The following USH2A variants were observed in gnomAD, a reference collection of about 807,000 sequenced individuals.
The protein encoded by USH2A is Usher syndrome 2A (autosomal recessive, mild).
USH2A carries 443 observed loss-of-function variants against 538.9 expected under a neutral mutation model. That is an observed-to-expected ratio of 0.82 (90% CI 0.76 to 0.89). USH2A has a LOEUF of 0.89. USH2A is among the 40% of genes least tolerant of loss of function. The pLI is 0.00. For missense variants in USH2A, 6,633 were observed against 6,324.8 expected, an observed-to-expected ratio of 1.05 and a Z score of -1.65; for synonymous variants, 2,413 against 2,273.5, an observed-to-expected ratio of 1.06 and a Z score of -1.75.
At chr1:216,407,928 A>G (rs1186157931) in intron 3 of USH2A, among the ~76,000 whole-genome samples, 2 of 151,176 alleles carry the variant, frequency 1.3e-5, no homozygotes, top group African/African-American at 2.5e-5. Context: ...AGATTGTTAA[A>G]AAAAAAAAAA....
At chr1:216,223,186 A>G (rs557613766) in intron 14 of USH2A, among the ~76,000 whole-genome samples, 1 of 152,222 alleles carries the variant, frequency 6.6e-6, no homozygotes, top group African/African-American at 2.4e-5. Context: ...AATTTATTCC[A>G]CCAATAATAG....
intron 52 of USH2A, among the ~76,000 whole-genome samples, chr1:215,786,053 A>C (rs1287329065): frequency 2.0e-5 from 3 of 152,154 alleles, no homozygotes; most frequent in Non-Finnish European, 4.4e-5. Context: ...TGATGGCAGA[A>C]CTGTTTTAGA....
intron 14 of USH2A, among the ~76,000 whole-genome samples, chr1:216,218,890 C>T (rs1287158430): frequency 6.6e-6 from 1 of 151,906 alleles, no homozygotes; most frequent in Non-Finnish European, 1.5e-5. Flanking sequence ...TTGATTTGCT[C>T]TTAATTTCTT....
intron 9 of USH2A, among the ~76,000 whole-genome samples, chr1:216,298,375 C>T (rs2037146188): frequency 6.6e-6 from 1 of 152,152 alleles, no homozygotes; most frequent in Non-Finnish European, 1.5e-5. Context: ...TTTAAAAAAT[C>T]TAATTTCAGA....
chr1:215,680,885 T>C (rs938549815), intron 61 of USH2A, among the ~76,000 whole-genome samples: 1 of 152,084 alleles, frequency 6.6e-6, no homozygotes, highest in Non-Finnish European at 1.5e-5. Context: ...TTGGCATGTA[T>C]ATATATCTTA....
Position 216,293,633 on chromosome 1 carries a change from T to G in USH2A, c.1645-1263A>C, listed in dbSNP as rs149183794. Among the ~76,000 whole-genome samples the G allele has an allele frequency of 2.0e-4, 30 of 152,328 alleles. No individual in the cohort carries two copies. The East Asian group carries it at 5.6e-3, about 28-fold the overall frequency. ...CTGAATTTTACTTCAAGTATTTTCT[T>G]TCTTTGCAGTGCTTTCCTCTTTGCT... is the stretch of plus-strand genomic sequence containing the variant. On this transcript the variant is annotated intron_variant, in intron 9 of 71. Transcript: ENST00000307340.
intron 38 of USH2A, among the ~76,000 whole-genome samples, chr1:215,913,957 T>A (rs1421062870): frequency 6.6e-6 from 1 of 151,554 alleles, no homozygotes; most frequent in Non-Finnish European, 1.5e-5. Flanking sequence ...AAAATATTTT[T>A]AAAAACATTT....
intron 71 of USH2A, among the ~76,000 whole-genome samples, chr1:215,626,771 ACTCAT>A (rs747866730): frequency 2.6e-5 from 4 of 152,174 alleles, no homozygotes; most frequent in Non-Finnish European, 5.9e-5. Context: ...TCATTAAATC[ACTCAT>A]CTCTCTAAAC....
At chr1:215,891,091 C>A (rs1375717694) in intron 40 of USH2A, among the ~76,000 whole-genome samples, 2 of 152,132 alleles carry the variant, frequency 1.3e-5, no homozygotes, top group African/African-American at 4.8e-5. Flanking sequence ...GCTTTTATTT[C>A]TCCTGCATAT....
intron 48 of USH2A, 85 bp from the exon 49 acceptor site, chr1:215,813,989 C>A (rs769513156): frequency 4.2e-6 from 6 of 1,444,386 alleles, no homozygotes; most frequent in Non-Finnish European, 5.7e-6. Context: ...TAATTATTTT[C>A]TTGTAAGGCA....
At chr1:216,268,368 A>G (rs1436277985) in intron 11 of USH2A, among the ~76,000 whole-genome samples, 1 of 152,118 alleles carries the variant, frequency 6.6e-6, no homozygotes, top group African/African-American at 2.4e-5. Flanking sequence ...GCATAATAAT[A>G]TCTACCTCAT....
rs397517970 is a variant in USH2A at position 215,779,849 on chromosome 1, C to T, written c.10933G>A (p.Val3645Ile). Residue 3645 changes from valine (V) to isoleucine (I), a missense_variant, in exon 55 of 72, where the codon GTC becomes ATC. Physicochemically the swap from Val to Ile is conservative, Grantham distance 29. Transcript: ENST00000307340. Reference protein sequence around the residue: ...TDTTDRRQHTVTGLQPYTNYS... With the variant: ...TDTTDRRQHTITGLQPYTNYS... ...TTTTTTTTTGTTTTCTCACCTGTGA[C>T]CGTATGCTGTCTCCTGTCAGTGGTG... 8 of 1,613,848 alleles carry T rather than the reference C, an allele frequency of 5.0e-6. No individual in the cohort carries two copies. Among genetic ancestry groups the T allele is most frequent in the Non-Finnish European group, 6.8e-6 (8 of 1,180,018 alleles).
chr1:215,741,184 T>A lies in USH2A; in HGVS notation c.11711+191A>T, dbSNP rs114055553. Among the ~76,000 whole-genome samples, 1,198 of 152,234 alleles carry A rather than the reference T, an allele frequency of 7.9e-3. 15 individuals are homozygous for A. The highest frequency in any genetic ancestry group is 0.026 in the African/African-American group (1,097 of 41,542). ...TTTCCTTGGTTAATTTGTAAAAGTT[T>A]GAGCACCAGTCTTAGTCCTCACTGG... On this transcript the variant is annotated intron_variant, in intron 60 of 71. Transcript: ENST00000307340.
At chr1:216,402,237 G>T (rs2039317928) in intron 3 of USH2A, among the ~76,000 whole-genome samples, 3 of 151,978 alleles carry the variant, frequency 2.0e-5, no homozygotes, top group Admixed American at 2.0e-4. Context: ...ATTCAAATTT[G>T]AAATCAATAA....
intron 42 of USH2A, 107 bp downstream of exon 42, chr1:215,878,651 TCAATGC>T (rs1274573849): frequency 1.9e-6 from 2 of 1,068,040 alleles, no homozygotes; most frequent in Admixed American, 4.0e-5. Context: ...CAGGGGATAT[TCAATGC>T]CAAATTAGTT....
rs1657908300 is a variant in USH2A, at chr1:215,674,042, A to G, written c.13811+58T>C. On this transcript the variant is annotated intron_variant, in intron 63 of 71. Coordinates refer to ENST00000307340, the MANE Select transcript of USH2A (RefSeq NM_206933.4). ...CTTCATTAGAACTGACCAAGGGCTC[A>G]GGCAATAGAAAGGTCAGCAGTGGCT... 13 of 1,613,100 alleles carry G rather than the reference A, an allele frequency of 8.1e-6. No individual in the cohort carries two copies. The East Asian group carries it at 2.7e-4, about 33-fold the overall frequency.
intron 4 of USH2A, among the ~76,000 whole-genome samples, chr1:216,336,956 G>T (rs923447282): frequency 1.3e-5 from 2 of 151,450 alleles, no homozygotes; most frequent in African/African-American, 4.8e-5. Context: ...AGACCCTGAT[G>T]AATTGATTCA....
Position 215,759,863 on chromosome 1 carries a change from G to A in USH2A, c.11048-20C>T, listed in dbSNP as rs1660928843. On this transcript the variant is annotated intron_variant, in intron 56 of 71. Coordinates refer to ENST00000307340, the MANE Select transcript of USH2A (RefSeq NM_206933.4). Reference sequence around the variant, plus strand: ...AAACTCCTGGCAAGAATAACGCAATGAGGTTTTATTGTTAGGAGAAAATAA... The same window carrying A: ...AAACTCCTGGCAAGAATAACGCAATAAGGTTTTATTGTTAGGAGAAAATAA... 1 of 1,613,820 alleles carries A rather than the reference G, an allele frequency of 6.2e-7. No individual in the cohort carries two copies. The highest frequency in any genetic ancestry group is 1.3e-5 in the African/African-American group (1 of 75,028).
At chr1:216,008,962 G>A (rs1668476146) in intron 32 of USH2A, among the ~76,000 whole-genome samples, 1 of 151,960 alleles carries the variant, frequency 6.6e-6, no homozygotes, top group Non-Finnish European at 1.5e-5. Context: ...TGGGGGGCAA[G>A]AAACCCCCAA....
Sources: allele counts gnomAD v4.1 joint callset (sites outside exome capture counted in the v4.1 genomes callset), GRCh38; gene constraint gnomAD v4.1.1; transcripts MANE v1.5; gene names NCBI Gene and HGNC (gene_info 2026-07-23, HGNC 2026-07-21).